Variants in NCAM2 observed in about 807,000 individuals in gnomAD.
NCAM2 encodes N-CAM-2.
In NCAM2, 30 loss-of-function variants were observed where a neutral mutation model predicts 98.1. The observed-to-expected ratio is 0.31, with a 90% CI of 0.23 to 0.41. The LOEUF (loss-of-function observed/expected upper bound fraction) is 0.41, where lower values mean the gene tolerates loss of function less well. Among genes scored for constraint, NCAM2 ranks in the 10% least tolerant of loss-of-function variants. The pLI is 1.00. For synonymous variants in NCAM2, 368 were observed against 342.4 expected (o/e 1.07, Z -0.83); for missense variants, 867 against 1,005.8 (o/e 0.86, Z 1.87).
chr21:21,397,089 G>T (rs1044084502), intron 9 of NCAM2, among the ~76,000 whole-genome samples: 1 of 152,138 alleles, frequency 6.6e-6, no homozygotes, highest in African/African-American at 2.4e-5. Context: ...CCCTAAGTGG[G>T]TAGCTCTATC....
chr21:21,234,277 C>A (rs2070736838), intron 1 of NCAM2, among the ~76,000 whole-genome samples: 1 of 151,232 alleles, frequency 6.6e-6, no homozygotes. Flanking sequence ...CACTCATGAA[C>A]TTTAAGTCTA....
intron 1 of NCAM2, among the ~76,000 whole-genome samples, chr21:21,213,309 A>G (rs911250253): frequency 2.6e-5 from 4 of 152,204 alleles, no homozygotes; most frequent in African/African-American, 9.7e-5. Context: ...TAAGGGGGCA[A>G]CTATTGACTA....
In NCAM2 at chr21:21,280,601, C is replaced by A; in HGVS notation, c.79C>A (p.Leu27Ile). The A allele has an allele frequency of 1.3e-6, 2 of 1,599,258 alleles. No homozygotes were observed. The highest frequency in any genetic ancestry group is 1.7e-6 in the Non-Finnish European group (2 of 1,174,318). Residue 27 changes from leucine to isoleucine, a missense_variant, in exon 2 of 18, where the codon CTT becomes ATT. Physicochemically the swap from Leu to Ile is conservative, Grantham distance 5. Transcript: ENST00000400546. ...GQALLQVTIS[L>I]SKVELSVGES... ...AGCTCTTCTTCAAGTGACAATTTCA[C>A]TTAGCAAAGTAGAGCTTAGTGTTGG... is the stretch of plus-strand genomic sequence containing the variant.
intron 12 of NCAM2, among the ~76,000 whole-genome samples, chr21:21,447,187 C>A (rs979529104): frequency 1.3e-5 from 2 of 152,142 alleles, no homozygotes; most frequent in African/African-American, 4.8e-5. Context: ...CAGCATGTTA[C>A]TGGTATCAAT....
At chr21:21,285,173 T>C (rs749556402) in intron 3 of NCAM2, among the ~76,000 whole-genome samples, 9 of 151,888 alleles carry the variant, frequency 5.9e-5, no homozygotes, top group Non-Finnish European at 1.3e-4. Context: ...TTGCATAAAG[T>C]ACTTACAACA....
chr21:21,247,932 A>G (rs2071338372), intron 1 of NCAM2, among the ~76,000 whole-genome samples: 1 of 151,388 alleles, frequency 6.6e-6, no homozygotes, highest in African/African-American at 2.4e-5. Context: ...TTTCTCTTCA[A>G]TTCTTTTAAT....
At chr21:21,319,566 A>G (rs2074317993) in intron 5 of NCAM2, among the ~76,000 whole-genome samples, 1 of 152,166 alleles carries the variant, frequency 6.6e-6, no homozygotes, top group Non-Finnish European at 1.5e-5. Context: ...ACTTGAACCC[A>G]GGAGGCAGAG....
intron 1 of NCAM2, among the ~76,000 whole-genome samples, chr21:21,277,959 C>T (rs1369209602): frequency 1.3e-5 from 2 of 151,954 alleles, no homozygotes; most frequent in East Asian, 1.9e-4. Flanking sequence ...GACAGTGAAC[C>T]GTGAGCAAAT....
intron 12 of NCAM2, among the ~76,000 whole-genome samples, chr21:21,457,869 G>C (rs74728378): frequency 6.6e-6 from 1 of 152,202 alleles, no homozygotes; most frequent in East Asian, 1.9e-4. Flanking sequence ...ACTTTTTACC[G>C]TATCCATTTT....
At chr21:21,431,691 A>T (rs896244666) in intron 11 of NCAM2, among the ~76,000 whole-genome samples, 1 of 152,140 alleles carries the variant, frequency 6.6e-6, no homozygotes, top group Non-Finnish European at 1.5e-5. Context: ...GTATTTTCAC[A>T]AGGCACCATT....
At chr21:21,189,981 A>G (rs1310330355) in intron 1 of NCAM2, among the ~76,000 whole-genome samples, 2 of 152,128 alleles carry the variant, frequency 1.3e-5, no homozygotes, top group African/African-American at 2.4e-5. Context: ...TTCTATTTGT[A>G]TTTGTAATGG....
chr21:21,334,629 A>T (rs2074808067), intron 6 of NCAM2, among the ~76,000 whole-genome samples: 1 of 152,066 alleles, frequency 6.6e-6, no homozygotes, highest in South Asian at 2.1e-4. Flanking sequence ...ACAGGAGGGG[A>T]TGCAAAGAAG....
chr21:21,441,618 G>T (rs1260961153), intron 12 of NCAM2, among the ~76,000 whole-genome samples: 1 of 152,182 alleles, frequency 6.6e-6, no homozygotes, highest in Non-Finnish European at 1.5e-5. Context: ...GGGAAGAAGA[G>T]AGGGATTGAA....
chr21:21,143,295 C>A (rs59966124), intron 1 of NCAM2, among the ~76,000 whole-genome samples: 1 of 152,112 alleles, frequency 6.6e-6, no homozygotes, highest in East Asian at 1.9e-4. Context: ...TGTGTGTCAA[C>A]GCATCTATTT....
intron 1 of NCAM2, among the ~76,000 whole-genome samples, chr21:21,213,497 A>T (rs1232633194): frequency 6.6e-6 from 1 of 152,308 alleles, no homozygotes; most frequent in Non-Finnish European, 1.5e-5. Flanking sequence ...ATTCTGAGTC[A>T]TGCATACTTT....
At chr21:21,272,506 G>GCGCT (rs1228051302) in intron 1 of NCAM2, among the ~76,000 whole-genome samples, 2 of 54,068 alleles carry the variant, frequency 3.7e-5, no homozygotes, top group African/African-American at 5.8e-5. Flanking sequence ...ATGCGCGCGC[G>GCGCT]CGCACACACA....
intron 1 of NCAM2, among the ~76,000 whole-genome samples, chr21:21,212,903 G>C (rs1171613008): frequency 1.3e-5 from 2 of 151,780 alleles, no homozygotes; most frequent in Non-Finnish European, 2.9e-5. Flanking sequence ...ACACCACGTG[G>C]GGCTAATTTT....
intron 4 of NCAM2, among the ~76,000 whole-genome samples, chr21:21,287,436 T>C (rs1162476657): frequency 6.6e-6 from 1 of 152,004 alleles, no homozygotes; most frequent in Admixed American, 6.6e-5. Context: ...GAAATAACAC[T>C]TTATTTCCTC....
At chr21:21,305,912 C>G (rs747151469) in intron 5 of NCAM2, among the ~76,000 whole-genome samples, 17 of 152,046 alleles carry the variant, frequency 1.1e-4, no homozygotes, top group Non-Finnish European at 1.9e-4. Flanking sequence ...TCTACTTCAA[C>G]TTTATTTCAC....
Sources: gnomAD v4.1 joint callset for allele counts (sites outside exome capture counted in the v4.1 genomes callset) on GRCh38, gnomAD v4.1.1 for gene constraint, MANE v1.5 for transcripts, NCBI Gene and HGNC (gene_info 2026-07-23, HGNC 2026-07-21) for gene names.